The following AGPAT3 variants were observed in gnomAD, a reference collection of about 807,000 sequenced individuals.
The protein encoded by AGPAT3 is 1-acyl-sn-glycerol-3-phosphate acyltransferase gamma.
In AGPAT3, 5 loss-of-function variants were observed where a neutral mutation model predicts 47.3. The observed-to-expected ratio is 0.11, with a 90% CI of 0.06 to 0.22. The LOEUF is 0.22. Ranked by LOEUF, AGPAT3 falls within the 10% of genes least tolerant of loss-of-function variation. The probability of loss-of-function intolerance (pLI) is 1.00; values close to 1 mark genes in which losing one functional copy is unlikely to be tolerated. For synonymous variants in AGPAT3, 212 were observed against 208.3 expected (o/e 1.02, Z -0.15); for missense variants, 315 against 493.0 (o/e 0.64, Z 3.42).
chr21:43,932,607 C>T lies in AGPAT3; in HGVS notation c.-48-27027C>T, dbSNP rs1297242745. Among the ~76,000 whole-genome samples the T allele has an allele frequency of 6.6e-6, 1 of 152,136 alleles. No individual in the cohort carries two copies. The highest frequency in any genetic ancestry group is 1.5e-5 in the Non-Finnish European group (1 of 68,022). ...TCTATTTGACACACTGATTTCAGTTCCTTTAGATACATACCCAGAAGTGGG... is the reference window on the plus strand; with the variant it reads ...TCTATTTGACACACTGATTTCAGTTTCTTTAGATACATACCCAGAAGTGGG... On this transcript the variant is annotated intron_variant, in intron 2 of 9. Transcript: ENST00000291572. This position sits in a 1 kb window ranked among gnomAD's most constrained non-coding sequence, Gnocchi z 5.2.
chr21:43,949,552 T>C (rs180742039), intron 2 of AGPAT3, among the ~76,000 whole-genome samples: 251 of 152,334 alleles, frequency 1.6e-3, no homozygotes, highest in African/African-American at 5.7e-3. Flanking sequence ...ATTCTATTGA[T>C]AGGGTGAGCC....
rs770785574 is a variant in AGPAT3 at position 43,985,094 on chromosome 21, G to A, written c.*2702G>A. ...CAGGCCCACCCACGGGCGTCTGGCC[G>A]GTCAAGCTCCCAGCCTGGGCCGTGG... is the stretch of plus-strand genomic sequence containing the variant. On this transcript the variant is annotated 3_prime_UTR_variant, in exon 10 of 10. Coordinates refer to ENST00000291572, the MANE Select transcript of AGPAT3 (RefSeq NM_020132.5). 3.3e-5 allele frequency: 15 copies of A among 456,162 alleles called. No homozygotes were observed. Among genetic ancestry groups the A allele is most frequent in the South Asian group, 7.7e-5 (5 of 64,552 alleles). 28.3% of individuals were successfully genotyped at this position (456,162 alleles called of 1,614,324 possible).
At chr21:43,871,086 G>T (rs117692657) in intron 1 of AGPAT3, among the ~76,000 whole-genome samples, 1 of 152,228 alleles carries the variant, frequency 6.6e-6, no homozygotes, top group Non-Finnish European at 1.5e-5. Context: ...AATTACAAAT[G>T]TTGCCAACTG....
intron 2 of AGPAT3, among the ~76,000 whole-genome samples, chr21:43,914,875 T>C (rs2146121404): frequency 6.6e-6 from 1 of 152,284 alleles, no homozygotes; most frequent in Non-Finnish European, 1.5e-5. Flanking sequence ...AACAAGTCTT[T>C]CTTAATTCTA....
intron 3 of AGPAT3, chr21:43,966,721 T>A (rs1009045592): frequency 6.6e-6 from 1 of 152,240 alleles, no homozygotes; most frequent in African/African-American, 2.4e-5. Flanking sequence ...GTCTCTAGTG[T>A]CCTTTATAAA....
At chr21:43,973,928 A>G (rs2089498304) in intron 7 of AGPAT3, among the ~76,000 whole-genome samples, 1 of 152,194 alleles carries the variant, frequency 6.6e-6, no homozygotes, top group African/African-American at 2.4e-5. Context: ...GCTCAGGGTG[A>G]CACCCTGGGG....
At chr21:43,878,729 C>T (rs941654002) in intron 1 of AGPAT3, among the ~76,000 whole-genome samples, 1 of 149,358 alleles carries the variant, frequency 6.7e-6, no homozygotes, top group Non-Finnish European at 1.5e-5. Context: ...TTTTTATTTC[C>T]ATTTGTCTTT....
At chr21:43,877,608 A>AT (rs140298511) in intron 1 of AGPAT3, among the ~76,000 whole-genome samples, 5 of 151,782 alleles carry the variant, frequency 3.3e-5, no homozygotes, top group African/African-American at 7.3e-5. Flanking sequence ...ATGCCCTGCT[A>AT]TTTTTTTGTA....
In AGPAT3 at chr21:43,970,842, A is replaced by G. The variant is rs2146788676; in HGVS notation, c.664+36A>G. 3 of 1,474,822 alleles carry G rather than the reference A, an allele frequency of 2.0e-6. No homozygotes were observed. Among genetic ancestry groups the G allele is most frequent in the Non-Finnish European group, 1.8e-6 (2 of 1,112,158 alleles). The allele number at this position is 1,474,822 out of a possible 1,614,324, so 91.4% of individuals were successfully genotyped here. A position where few individuals can be genotyped will look rare whatever the true frequency, so the allele number is the denominator to read the frequency against. On this transcript the variant is annotated intron_variant, in intron 6 of 9. Coordinates refer to ENST00000291572, the MANE Select transcript of AGPAT3 (RefSeq NM_020132.5). This position sits in a 1 kb window ranked among gnomAD's most constrained non-coding sequence, Gnocchi z 5.8. ...GACTGCCCGAGCCGGGGCCACCGCT[A>G]TGCTCACGGAAAATAGTGATTTCTT... is the stretch of plus-strand genomic sequence containing the variant.
intron 2 of AGPAT3, among the ~76,000 whole-genome samples, chr21:43,947,665 A>T (rs951403797): frequency 6.6e-6 from 1 of 151,468 alleles, no homozygotes; most frequent in Admixed American, 6.6e-5. Flanking sequence ...GTGGACTAAG[A>T]AGCCATGCTG....
In AGPAT3 at chr21:43,878,926, A is replaced by C. The variant is rs1336367809; in HGVS notation, c.-112+13581A>C. ...TAGCTAATTTTTGTAATTTTTGTAG[A>C]GATGAGGTTTCACCATATTGGCCAG... On this transcript the variant is annotated intron_variant, in intron 1 of 9. Transcript: ENST00000291572. Among the ~76,000 whole-genome samples the C allele has an allele frequency of 2.6e-5, 4 of 152,152 alleles. No individual in the cohort carries two copies. The East Asian group carries it at 7.7e-4, about 29-fold the overall frequency.
chr21:43,928,220 A>G (rs940258100), intron 2 of AGPAT3, among the ~76,000 whole-genome samples: 2 of 151,952 alleles, frequency 1.3e-5, no homozygotes, highest in Non-Finnish European at 2.9e-5. Context: ...GATGGTTTCA[A>G]CTCCAGCCAC....
chr21:43,924,461 A>G (rs200252437), intron 2 of AGPAT3, among the ~76,000 whole-genome samples: 1 of 152,168 alleles, frequency 6.6e-6, no homozygotes, highest in East Asian at 1.9e-4. Flanking sequence ...ACCAATAAAT[A>G]CCTGCTGCTT....
chr21:43,968,924 C>G (rs1049319496), intron 4 of AGPAT3, among the ~76,000 whole-genome samples, 194 bp from the exon 5 acceptor site: 3 of 152,094 alleles, frequency 2.0e-5, no homozygotes, highest in Non-Finnish European at 1.5e-5. Flanking sequence ...GCCTGAGCCT[C>G]AGTTTCCTCA....
At chr21:43,953,132 A>G (rs2088280207) in intron 2 of AGPAT3, among the ~76,000 whole-genome samples, 1 of 152,150 alleles carries the variant, frequency 6.6e-6, no homozygotes, top group Admixed American at 6.5e-5. Flanking sequence ...GGTGTGGGGC[A>G]CGCCGCAGAG....
At chr21:43,886,692 G>A (rs1316967275) in intron 1 of AGPAT3, among the ~76,000 whole-genome samples, 2 of 152,204 alleles carry the variant, frequency 1.3e-5, no homozygotes, top group East Asian at 3.8e-4. Flanking sequence ...GTGGGAACAT[G>A]TTATGCTTGT....
At chr21:43,973,380 A>C (rs1020560733) in intron 7 of AGPAT3, among the ~76,000 whole-genome samples, 1 of 152,230 alleles carries the variant, frequency 6.6e-6, no homozygotes, top group Non-Finnish European at 1.5e-5. Flanking sequence ...TCCTGGCCAC[A>C]GCTGGCCTCA....
chr21:43,883,859 G>A (rs1038682000), intron 1 of AGPAT3, among the ~76,000 whole-genome samples: 2 of 152,202 alleles, frequency 1.3e-5, no homozygotes, highest in African/African-American at 4.8e-5. Context: ...CTCCCAAAGT[G>A]CTGGGATTAC....
At chr21:43,867,888 T>A (rs1220796853) in intron 1 of AGPAT3, 1 of 146,796 alleles carries the variant, frequency 6.8e-6, no homozygotes, top group Non-Finnish European at 1.5e-5. Context: ...CGAAGAGTGT[T>A]TGGGGTTTTA....
Sources: gnomAD v4.1 joint callset for allele counts (sites outside exome capture counted in the v4.1 genomes callset) on GRCh38, gnomAD v4.1.1 for gene constraint, Gnocchi (gnomAD v3.1) non-coding constraint, MANE v1.5 for transcripts, NCBI Gene and HGNC (gene_info 2026-07-23, HGNC 2026-07-21) for gene names.